Variants in RAB26 observed in about 807,000 individuals in gnomAD.
RAB26 encodes RAB26, member RAS oncogene family, also known as ras-related protein Rab-26.
RAB26 carries 39 observed loss-of-function variants against 33.1 expected under a neutral mutation model. That is an observed-to-expected ratio of 1.18 (90% confidence interval 0.91 to 1.54). RAB26 has a LOEUF of 1.54. Among genes scored for constraint, RAB26 ranks in the 40% most tolerant of loss-of-function variants. RAB26 has a pLI of 0.00. For missense variants in RAB26, 468 were observed against 362.9 expected (o/e 1.29, Z -2.35); for synonymous variants, 192 against 151.9 (o/e 1.26, Z -1.94).
chr16:2,151,555 T>G lies in RAB26; in HGVS notation c.307-14T>G, dbSNP rs764452991. 6.2e-7 allele frequency: 1 copy of G among 1,613,636 alleles called. No homozygotes were observed. The highest frequency in any genetic ancestry group is 2.2e-5 in the East Asian group (1 of 44,882). On this transcript the variant is annotated splice_polypyrimidine_tract_variant and intron_variant, in intron 2 of 8. Coordinates refer to ENST00000210187, the MANE Select transcript of RAB26 (RefSeq NM_014353.5). ...TGGGCCCATGCCAGAGCTGCCTGGT[T>G]CTGTCTGTTTCAGAACAAAGTTCTG...
Position 2,153,052 on chromosome 16 carries a change from C to G in RAB26, c.591+7C>G, listed in dbSNP as rs756069967. On this transcript the variant is annotated splice_region_variant and intron_variant, in intron 7 of 8. Coordinates refer to ENST00000210187, the MANE Select transcript of RAB26 (RefSeq NM_014353.5). ...CGGGGAGAAGCTGGCCAAGGTGAGTCAGGGCAGGGGGGTGGTGAGGGGGTG... is the reference window on the plus strand; with the variant it reads ...CGGGGAGAAGCTGGCCAAGGTGAGTGAGGGCAGGGGGGTGGTGAGGGGGTG... The G allele has an allele frequency of 4.4e-6, 7 of 1,607,834 alleles. No homozygotes were observed. In the South Asian group the frequency reaches 7.7e-5, roughly 18 times the overall value.
intron 2 of RAB26, chr16:2,151,002 G>A: frequency 3.0e-6 from 1 of 329,806 alleles, no homozygotes; most frequent in Non-Finnish European, 6.0e-6. Flanking sequence ...TCGTTAACTG[G>A]GAGGGCCCGG....
chr16:2,152,723 G>C (rs1026043164), intron 5 of RAB26, 97 bp from the exon 6 acceptor site: 57 of 533,198 alleles, frequency 1.1e-4, no homozygotes, highest in Non-Finnish European at 1.7e-4. Context: ...AAAAGATAAA[G>C]ACAGGTGCCC....
At position 2,148,649 on chromosome 16, in the gene RAB26, TGCCGCCGCCGCCGCCGCC is replaced by T. The variant is rs761711190; in HGVS notation, c.-119_-102del. On this transcript the variant is annotated 5_prime_UTR_variant, in exon 1 of 9. Transcript: ENST00000210187. Reference sequence around the variant, plus strand: ...GGCGCGAGCCGGGCGCCCGGGATGATGCCGCCGCCGCCGCCGCCGCCGCCGCCGCCGCCAGGGGAAGGG... The same window carrying T: ...GGCGCGAGCCGGGCGCCCGGGATGATGCCGCCGCCGCCGCCAGGGGAAGGG... 0.016 allele frequency: 6,088 copies of T among 388,652 alleles called. 45 individuals are homozygous for T. The highest frequency in any genetic ancestry group is 0.019 in the Non-Finnish European group (5,272 of 282,192). 24.1% of individuals were successfully genotyped at this position (388,652 alleles called of 1,614,324 possible).
intron 5 of RAB26, 152 bp downstream of exon 5, chr16:2,152,060 G>T: frequency 9.0e-7 from 1 of 1,114,986 alleles, no homozygotes; most frequent in Non-Finnish European, 1.3e-6. Flanking sequence ...GGCCCAAGTG[G>T]ACCTGAGTGC....
At chr16:2,148,447 G>A (rs1315515225), upstream of RAB26, 1 of 152,338 alleles carries the variant, frequency 6.6e-6, no homozygotes, top group Non-Finnish European at 1.5e-5. Context: ...CTGGCCCCAA[G>A]GCAGCCACGG....
Position 2,150,877 on chromosome 16 carries a change from C to G in RAB26, c.307-692C>G, listed in dbSNP as rs137913631. On this transcript the variant is annotated intron_variant, in intron 2 of 8. Transcript: ENST00000210187. The stretch of plus-strand genomic sequence containing the variant: ...AGCACTCTGACAGCAGGAGCTCAGG[C>G]TGAAGGAGGTGGCACAGGTTCCAGC... 6.3e-3 allele frequency among the ~76,000 whole-genome samples: 958 copies of G among 152,324 alleles called. 4 individuals carry two copies. The highest frequency in any genetic ancestry group is 0.011 in the Non-Finnish European group (722 of 68,028).
At position 2,148,881 on chromosome 16, in the gene RAB26, C is replaced by T; in HGVS notation, c.98C>T (p.Thr33Ile). ...GGGGCCCGACCGGCGCGCTCCGGGA[C>T]TGCGCTTTCCGGCCCCGACGCGCCG... ...ANGARPARSG[T>I]ALSGPDAPPN... Residue 33 changes from threonine to isoleucine, a missense_variant, in exon 1 of 9, where the codon ACT (threonine) becomes ATT (isoleucine). Transcript: ENST00000210187. 4 of 1,370,056 alleles carry T rather than the reference C, an allele frequency of 2.9e-6. No individual in the cohort carries two copies. Among genetic ancestry groups the T allele is most frequent in the Non-Finnish European group, 3.8e-6 (4 of 1,058,930 alleles). The allele number at this position is 1,370,056 out of a possible 1,614,324, so 84.9% of individuals were successfully genotyped here. A position where few individuals can be genotyped will look rare whatever the true frequency, so the allele number is the denominator to read the frequency against.
chr16:2,153,927 A>G lies in RAB26; in HGVS notation c.*506A>G, dbSNP rs147639876. On this transcript the variant is annotated 3_prime_UTR_variant, in exon 9 of 9. Coordinates refer to ENST00000210187, the MANE Select transcript of RAB26 (RefSeq NM_014353.5). ...CTAGGAGGCTCTGGCTCAAACAGCA[A>G]TAGGGTCTTCCTCACTGACCTTGGA... is the stretch of plus-strand genomic sequence containing the variant. 116 of 440,106 alleles carry G rather than the reference A, an allele frequency of 2.6e-4. No individual in the cohort carries two copies. The East Asian group carries it at 7.3e-3, about 28-fold the overall frequency. The allele number at this position is 440,106 out of a possible 1,614,324, so 27.3% of individuals were successfully genotyped here.
In RAB26 at chr16:2,154,086, T is replaced by C. The variant is rs1821306911; in HGVS notation, c.*665T>C. On this transcript the variant is annotated 3_prime_UTR_variant, in exon 9 of 9. Coordinates refer to ENST00000210187, the MANE Select transcript of RAB26 (RefSeq NM_014353.5). ...TCCACCTTGCACTCAACTTGGCCTT[T>C]TGATTGCACAAGCCTTTGTTTTCAG... 3.0e-6 allele frequency: 1 copy of C among 329,404 alleles called. No individual in the cohort carries two copies. Among genetic ancestry groups the C allele is most frequent in the South Asian group, 2.3e-5 (1 of 42,914 alleles). The allele number at this position is 329,404 out of a possible 1,614,324, so 20.4% of individuals were successfully genotyped here. A position where few individuals can be genotyped will look rare whatever the true frequency, so the allele number is the denominator to read the frequency against.
intron 2 of RAB26, chr16:2,151,320 G>C (rs1250620019): frequency 1.5e-5 from 9 of 614,986 alleles, no homozygotes; most frequent in East Asian, 5.7e-5. Flanking sequence ...GTGTCAGTAA[G>C]AGGCCTGGTG....
In RAB26 at chr16:2,151,596, A is replaced by C. The variant is rs1219083974; in HGVS notation, c.334A>C (p.Lys112Gln). 1.8e-5 allele frequency: 29 copies of C among 1,613,808 alleles called. No homozygotes were observed. Among genetic ancestry groups the C allele is most frequent in the Non-Finnish European group, 2.2e-5 (26 of 1,180,032 alleles). The part of the protein sequence containing the change: ...RNKVLDVDGV[K>Q]VKLQMWDTAG... Reference sequence around the variant, plus strand: ...CAAAGTTCTGGACGTGGATGGTGTGAAGGTGAAGCTGCAGGTAAGGTGACT... The same window carrying C: ...CAAAGTTCTGGACGTGGATGGTGTGCAGGTGAAGCTGCAGGTAAGGTGACT... Residue 112 changes from lysine to glutamine, a missense_variant, in exon 3 of 9, where the codon AAG (lysine) becomes CAG (glutamine). By Grantham distance (53) the Lys-to-Gln change is moderately conservative. Coordinates refer to ENST00000210187, the MANE Select transcript of RAB26 (RefSeq NM_014353.5).
Position 2,153,688 on chromosome 16 carries a change from G to A in RAB26, c.*267G>A, listed in dbSNP as rs531924524. 26 of 625,800 alleles carry A rather than the reference G, an allele frequency of 4.2e-5. No homozygotes were observed. Among genetic ancestry groups the A allele is most frequent in the African/African-American group, 3.8e-4 (21 of 55,664 alleles). 38.8% of individuals were successfully genotyped at this position (625,800 alleles called of 1,614,324 possible). A position where few individuals can be genotyped will look rare whatever the true frequency, so the allele number is the denominator to read the frequency against. ...GCGGCAAGTGGACAGACTTTGCCAC[G>A]GTGCTCTGCTGCCCCCTCCTGGGCA... On this transcript the variant is annotated 3_prime_UTR_variant, in exon 9 of 9. Transcript: ENST00000210187.
intron 5 of RAB26, among the ~76,000 whole-genome samples, chr16:2,152,506 C>A (rs1306245504): frequency 2.6e-5 from 4 of 152,038 alleles, no homozygotes; most frequent in African/African-American, 9.7e-5. Context: ...CCCGTCTCTA[C>A]TAAAGATACA....
Position 2,151,687 on chromosome 16 carries a change from C to A in RAB26, c.349-8C>A. 1 of 1,613,980 alleles carries A rather than the reference C, an allele frequency of 6.2e-7. No individual in the cohort carries two copies. The highest frequency in any genetic ancestry group is 1.1e-5 in the South Asian group (1 of 91,084). On this transcript the variant is annotated splice_polypyrimidine_tract_variant and splice_region_variant and intron_variant, in intron 3 of 8. Coordinates refer to ENST00000210187, the MANE Select transcript of RAB26 (RefSeq NM_014353.5). ...GCTGGACAGCCTGACCAGTGCCTGT[C>A]GCTGCAGATGTGGGACACAGCTGGT...
rs2093016232 is a variant in RAB26, at chr16:2,153,871, T to C, written c.*450T>C. On this transcript the variant is annotated 3_prime_UTR_variant, in exon 9 of 9. Coordinates refer to ENST00000210187, the MANE Select transcript of RAB26 (RefSeq NM_014353.5). ...GCTAATCACATCGTGCATCTGTGTG[T>C]CCTGGGAGCTGCCTGCTCCCGGCCC... The C allele has an allele frequency of 2.2e-6, 1 of 457,406 alleles. No homozygotes were observed. Among genetic ancestry groups the C allele is most frequent in the Non-Finnish European group, 4.4e-6 (1 of 227,818 alleles). 28.3% of individuals were successfully genotyped at this position (457,406 alleles called of 1,614,324 possible). A position where few individuals can be genotyped will look rare whatever the true frequency, so the allele number is the denominator to read the frequency against.
intron 8 of RAB26, 29 bp from the exon 9 acceptor site, chr16:2,153,290 C>T (rs761579332): frequency 1.1e-5 from 17 of 1,613,108 alleles, no homozygotes; most frequent in Admixed American, 5.0e-5. Context: ...TCCAGGCCAT[C>T]GTGTCCCCTT....
intron 2 of RAB26, 88 bp from the exon 3 acceptor site, chr16:2,151,474 CTGGGAGG>C: frequency 1.3e-6 from 2 of 1,566,406 alleles, no homozygotes; most frequent in East Asian, 2.2e-5. Flanking sequence ...GACCTGGGAG[CTGGGAGG>C]TCTCAGGGGA....
intron 7 of RAB26, 45 bp from the exon 8 acceptor site, chr16:2,153,101 C>T: frequency 6.2e-7 from 1 of 1,613,288 alleles, no homozygotes; most frequent in Non-Finnish European, 8.5e-7. Flanking sequence ...CGAGCCTAGG[C>T]TGTCCCCGCC....
Sources: gnomAD v4.1 joint callset for allele counts (sites outside exome capture counted in the v4.1 genomes callset) on GRCh38, gnomAD v4.1.1 for gene constraint, MANE v1.5 for transcripts, NCBI Gene and HGNC (gene_info 2026-07-23, HGNC 2026-07-21) for gene names.